MBTPS1: variants seen among roughly 807,000 people sequenced by gnomAD.
The protein encoded by MBTPS1 is membrane bound transcription factor peptidase, site 1.
MBTPS1 carries 94 observed loss-of-function variants against 127.8 expected under a neutral mutation model. The observed-to-expected ratio is 0.74, with a 90% CI of 0.62 to 0.87. The LOEUF (loss-of-function observed/expected upper bound fraction) is 0.87. MBTPS1 is among the 40% of genes least tolerant of loss of function. MBTPS1 has a pLI of 0.00. For synonymous variants in MBTPS1, 632 were observed against 509.4 expected (o/e 1.24, Z -3.24); for missense variants, 1,636 against 1,353.2 (o/e 1.21, Z -3.28).
intron 4 of MBTPS1, among the ~76,000 whole-genome samples, chr16:84,094,539 A>G (rs1261311786): frequency 6.6e-6 from 1 of 152,228 alleles, no homozygotes; most frequent in African/African-American, 2.4e-5. Context: ...CAGAATACCT[A>G]TATGACTTAA....
chr16:84,087,825 C>G (rs755535626), intron 8 of MBTPS1, among the ~76,000 whole-genome samples: 1 of 152,196 alleles, frequency 6.6e-6, no homozygotes, highest in Non-Finnish European at 1.5e-5. Flanking sequence ...TATCACCTAA[C>G]GACACATTCT....
chr16:84,083,089 C>T (rs766750907), intron 10 of MBTPS1, among the ~76,000 whole-genome samples: 4 of 152,226 alleles, frequency 2.6e-5, no homozygotes, highest in Admixed American at 6.5e-5. Context: ...AGAGAGCTGA[C>T]GGGCTCAACA....
intron 10 of MBTPS1, 64 bp downstream of exon 10, chr16:84,084,919 C>T: frequency 1.3e-6 from 2 of 1,557,232 alleles, no homozygotes; most frequent in East Asian, 2.3e-5. Context: ...GACTCCTGCT[C>T]TGCTGGCACC....
chr16:84,055,573 G>T (rs987604558), intron 22 of MBTPS1, among the ~76,000 whole-genome samples: 16 of 152,218 alleles, frequency 1.1e-4, no homozygotes, highest in Non-Finnish European at 1.5e-4. Flanking sequence ...TCCCAGGGGG[G>T]CAGGGCAGAG....
At position 84,070,641 on chromosome 16, in the gene MBTPS1, C is replaced by G; in HGVS notation, c.1729G>C (p.Gly577Arg). The change falls in exon 13 of 23, where the codon GGC becomes CGC. Residue 577 changes from glycine (G) to arginine (R), a missense_variant. Transcript: ENST00000343411. ...SVTKKAASWE[G>R]IAQGHVMITV... ...ATCATGACATGGCCCTGAGCAATGC[C>G]TTCCCAGGAAGCCGCTTTCTTGGTC... The G allele has an allele frequency of 2.5e-6, 4 of 1,613,654 alleles. No individual in the cohort carries two copies. Among genetic ancestry groups the G allele is most frequent in the South Asian group, 1.1e-5 (1 of 91,054 alleles).
Position 84,095,869 on chromosome 16 carries a change from G to T in MBTPS1, c.422-64C>A, listed in dbSNP as rs566158682. On this transcript the variant is annotated intron_variant, in intron 3 of 22. Transcript: ENST00000343411. ...AAACGAACTACACGATACCCGCCAGGCAAAACTATCCTAAACACAGGGAGG... is the reference window on the plus strand; with the variant it reads ...AAACGAACTACACGATACCCGCCAGTCAAAACTATCCTAAACACAGGGAGG... 5 of 1,346,990 alleles carry T rather than the reference G, an allele frequency of 3.7e-6. No individual in the cohort carries two copies. The South Asian group carries it at 4.8e-5, about 13-fold the overall frequency. The allele number at this position is 1,346,990 out of a possible 1,614,324, so 83.4% of individuals were successfully genotyped here.
chr16:84,054,983 A>G (rs1001546433), intron 22 of MBTPS1, among the ~76,000 whole-genome samples: 29 of 152,110 alleles, frequency 1.9e-4, no homozygotes, highest in African/African-American at 6.8e-4. Context: ...GTTTCTCTAA[A>G]CACAAGGGAA....
At chr16:84,095,405 G>A (rs1466017761) in intron 4 of MBTPS1, among the ~76,000 whole-genome samples, 197 bp downstream of exon 4, 2 of 152,238 alleles carry the variant, frequency 1.3e-5, no homozygotes, top group African/African-American at 4.8e-5. Context: ...GGCATCACAG[G>A]AGTCAAAGAT....
intron 3 of MBTPS1, among the ~76,000 whole-genome samples, chr16:84,097,868 G>GTT (rs775492463): frequency 0.016 from 2,459 of 151,150 alleles, 37 homozygotes; most frequent in Non-Finnish European, 0.023. Context: ...GTGTGTGTGT[G>GTT]TGTTTGTGTG....
intron 11 of MBTPS1, among the ~76,000 whole-genome samples, chr16:84,077,764 G>A (rs1413764825): frequency 6.6e-6 from 1 of 152,126 alleles, no homozygotes; most frequent in African/African-American, 2.4e-5. Flanking sequence ...AAAAACAACT[G>A]CATGGCAAAA....
At chr16:84,087,915 A>G (rs114152503) in intron 8 of MBTPS1, among the ~76,000 whole-genome samples, 208 of 152,264 alleles carry the variant, frequency 1.4e-3, no homozygotes, top group African/African-American at 4.9e-3. Flanking sequence ...AAGAAACCAT[A>G]ACCACACATT....
At position 84,095,716 on chromosome 16, in the gene MBTPS1, A is replaced by C. The variant is rs1445194477; in HGVS notation, c.511T>G (p.Ser171Ala). Reference sequence around the variant, plus strand: ...CTTCCCGTAGCATGCCAGAAGCCAGAGCCCAGGGAGAGGCTGGCTCTTCGC... The same window carrying C: ...CTTCCCGTAGCATGCCAGAAGCCAGCGCCCAGGGAGAGGCTGGCTCTTCGC... ...PLRRASLSLG[S>A]GFWHATGRHS... Residue 171 changes from serine (S) to alanine (A), a missense_variant, in exon 4 of 23, where the codon TCT becomes GCT. Transcript: ENST00000343411. The C allele has an allele frequency of 6.2e-7, 1 of 1,614,248 alleles. No homozygotes were observed. Among genetic ancestry groups the C allele is most frequent in the East Asian group, 2.2e-5 (1 of 44,892 alleles).
intron 16 of MBTPS1, among the ~76,000 whole-genome samples, chr16:84,067,177 A>G (rs117972836): frequency 0.019 from 2,944 of 152,336 alleles, 51 homozygotes; most frequent in Middle Eastern, 0.065. Context: ...ACTCAGTAAC[A>G]GAGAGTGGAA....
intron 1 of MBTPS1, among the ~76,000 whole-genome samples, chr16:84,112,743 G>C (rs1246481379): frequency 1.3e-5 from 2 of 151,330 alleles, no homozygotes; most frequent in African/African-American, 2.4e-5. Context: ...GGGAGGCCGA[G>C]ACGGGCAGAT....
At chr16:84,062,983 G>A (rs562001891) in intron 19 of MBTPS1, among the ~76,000 whole-genome samples, 4 of 152,346 alleles carry the variant, frequency 2.6e-5, no homozygotes, top group African/African-American at 7.2e-5. Context: ...GCCTGGGAGG[G>A]GCAGGCCCCA....
chr16:84,116,057 G>A (rs563368149), intron 1 of MBTPS1, among the ~76,000 whole-genome samples: 1 of 152,224 alleles, frequency 6.6e-6, no homozygotes, highest in African/African-American at 2.4e-5. Context: ...CAGACTAAAG[G>A]ATGAGTCTCC....
At chr16:84,077,045 G>A (rs1408624745) in intron 11 of MBTPS1, among the ~76,000 whole-genome samples, 1 of 152,052 alleles carries the variant, frequency 6.6e-6, no homozygotes, top group Non-Finnish European at 1.5e-5. Context: ...GGGCAACATG[G>A]CAAAACCCTG....
Position 84,074,666 on chromosome 16 carries a change from T to C in MBTPS1, c.1524A>G (p.Gly508=), listed in dbSNP as rs761484216. ...WPYCSQPIYY[G]GMPTVVNVTI... ...TGACATTAACAACTGTCGGCATTCC[T>C]CCATAGTAGATGGGCTGGGAGCAGT... Residue 508 remains glycine (G), a synonymous_variant, in exon 12 of 23, where the codon GGA becomes GGG. Coordinates refer to ENST00000343411, the MANE Select transcript of MBTPS1 (RefSeq NM_003791.4). 3.7e-6 allele frequency: 6 copies of C among 1,614,096 alleles called. No individual in the cohort carries two copies. Among genetic ancestry groups the C allele is most frequent in the Non-Finnish European group, 5.1e-6 (6 of 1,179,958 alleles).
chr16:84,109,533 C>T (rs1346953437), intron 1 of MBTPS1: 1 of 152,164 alleles, frequency 6.6e-6, no homozygotes, highest in Non-Finnish European at 1.5e-5. Context: ...AGCAGATGCA[C>T]TGAGAAGAGC....
Sources: allele counts gnomAD v4.1 joint callset (sites outside exome capture counted in the v4.1 genomes callset), GRCh38; gene constraint gnomAD v4.1.1; transcripts MANE v1.5; gene names NCBI Gene and HGNC (gene_info 2026-07-23, HGNC 2026-07-21).